The following CLVS1 variants were observed in gnomAD, a reference collection of about 807,000 sequenced individuals.
CLVS1 encodes the protein clavesin 1, also known as clavesin-1.
A neutral mutation model predicts 33.1 loss-of-function variants in CLVS1; 10 were observed. The ratio of observed to expected loss-of-function variants is 0.30; its 90% CI spans 0.19 to 0.51. CLVS1 has a LOEUF of 0.51. CLVS1 is among the 20% of genes least tolerant of loss of function. CLVS1 has a pLI of 0.97. For missense variants in CLVS1, 343 were observed against 433.4 expected, an observed-to-expected ratio of 0.79 and a Z score of 1.85; for synonymous variants, 163 against 166.1, an observed-to-expected ratio of 0.98 and a Z score of 0.14.
intron 3 of CLVS1, among the ~76,000 whole-genome samples, chr8:61,380,838 C>T (rs1813846813): frequency 6.6e-6 from 1 of 152,070 alleles, no homozygotes; most frequent in Non-Finnish European, 1.5e-5. Flanking sequence ...ATCACTGCAG[C>T]CCAGTGATTA....
chr8:61,128,128 G>C (rs938039058), intron 1 of CLVS1, among the ~76,000 whole-genome samples: 1 of 152,182 alleles, frequency 6.6e-6, no homozygotes, highest in Non-Finnish European at 1.5e-5. Flanking sequence ...CCAAATATCT[G>C]AGTTTTTGAG....
At chr8:61,196,961 T>C (rs776924489) in intron 2 of CLVS1, among the ~76,000 whole-genome samples, 3 of 152,218 alleles carry the variant, frequency 2.0e-5, no homozygotes, top group Middle Eastern at 3.2e-3. Flanking sequence ...CTCTTTTCCA[T>C]GTGCTGAAAT....
chr8:61,440,621 G>T (rs1012984082), intron 3 of CLVS1, among the ~76,000 whole-genome samples: 4 of 152,228 alleles, frequency 2.6e-5, no homozygotes, highest in Non-Finnish European at 5.9e-5. Context: ...GAAAGCTTCT[G>T]TGCTTGATCT....
chr8:61,314,834 ACTC>A (rs1483556383), intron 2 of CLVS1, among the ~76,000 whole-genome samples: 1 of 151,216 alleles, frequency 6.6e-6, no homozygotes, highest in East Asian at 1.9e-4. Context: ...TGCTTTGAAA[ACTC>A]CTCTCTTTCT....
chr8:61,149,054 A>G (rs534709632), intron 2 of CLVS1, among the ~76,000 whole-genome samples: 1 of 152,334 alleles, frequency 6.6e-6, no homozygotes, highest in East Asian at 1.9e-4. Context: ...ATAAACACTT[A>G]GCATAAGTTG....
At chr8:61,448,071 C>T (rs1816820564) in intron 3 of CLVS1, among the ~76,000 whole-genome samples, 1 of 151,952 alleles carries the variant, frequency 6.6e-6, no homozygotes, top group Non-Finnish European at 1.5e-5. Flanking sequence ...AAATATTTTA[C>T]ATCTTCTTCT....
chr8:61,179,847 A>T (rs1475798111), intron 2 of CLVS1, among the ~76,000 whole-genome samples: 1 of 152,148 alleles, frequency 6.6e-6, no homozygotes, highest in East Asian at 1.9e-4. Flanking sequence ...AGCAGGGTTA[A>T]GAGGAAATTT....
chr8:61,065,691 A>G (rs956962216), intron 1 of CLVS1, among the ~76,000 whole-genome samples: 1 of 152,230 alleles, frequency 6.6e-6, no homozygotes, highest in East Asian at 1.9e-4. Context: ...TGTAAGAAGC[A>G]ATAGGCAAGC....
At chr8:61,371,445 C>G (rs1813433775) in intron 2 of CLVS1, among the ~76,000 whole-genome samples, 3 of 152,110 alleles carry the variant, frequency 2.0e-5, no homozygotes, top group Non-Finnish European at 4.4e-5. Context: ...TGTGGGTTGT[C>G]TGTAATAGAT....
In CLVS1 at chr8:61,340,545, C is replaced by CAT. The variant is rs10557382; in HGVS notation, c.456-36046_456-36045dup. 8.6e-3 allele frequency among the ~76,000 whole-genome samples: 1,305 copies of CAT among 150,904 alleles called. 27 individuals carry two copies. The highest frequency in any genetic ancestry group is 0.026 in the African/African-American group (1,078 of 41,246). On this transcript the variant is annotated intron_variant, in intron 2 of 5. Coordinates refer to ENST00000325897, the MANE Select transcript of CLVS1 (RefSeq NM_173519.3). ...CTTCTTTTTAAGGCTGAATAGTATTCATATATATATATATACCACATTTAA... is the reference window on the plus strand; with the variant it reads ...CTTCTTTTTAAGGCTGAATAGTATTCATATATATATATATATACCACATTTAA...
chr8:61,272,794 GA>G, intron 2 of CLVS1, among the ~76,000 whole-genome samples: 1 of 152,268 alleles, frequency 6.6e-6, no homozygotes, highest in Admixed American at 6.5e-5. Flanking sequence ...ATCGGCTCCT[GA>G]GGCTTCTGCA....
intron 2 of CLVS1, among the ~76,000 whole-genome samples, chr8:61,349,737 GT>G (rs1812369535): frequency 6.6e-6 from 1 of 152,020 alleles, no homozygotes; most frequent in Non-Finnish European, 1.5e-5. Context: ...TACTCCCCTG[GT>G]TTGGAAACGC....
chr8:61,218,269 T>C (rs1039007199), intron 2 of CLVS1, among the ~76,000 whole-genome samples: 2 of 152,002 alleles, frequency 1.3e-5, no homozygotes, highest in African/African-American at 4.8e-5. Flanking sequence ...CAAAAACAGA[T>C]GAATCATTAA....
At chr8:61,120,695 G>A (rs866477538) in intron 1 of CLVS1, among the ~76,000 whole-genome samples, 12 of 141,972 alleles carry the variant, frequency 8.5e-5, no homozygotes, top group East Asian at 4.2e-4. Context: ...AGGGGTCAGG[G>A]GTCAGGGACC....
chr8:61,071,655 C>A (rs1804799145), intron 1 of CLVS1, among the ~76,000 whole-genome samples: 1 of 152,304 alleles, frequency 6.6e-6, no homozygotes, highest in Middle Eastern at 3.4e-3. Context: ...TGTGGGGGGA[C>A]ATTCTTTAGC....
intron 1 of CLVS1, among the ~76,000 whole-genome samples, chr8:61,103,990 A>G (rs1158128410): frequency 3.9e-5 from 6 of 152,234 alleles, no homozygotes; most frequent in African/African-American, 1.4e-4. Flanking sequence ...GTCATGATAC[A>G]ATAGATAACC....
chr8:61,437,858 G>A (rs1816393722), intron 3 of CLVS1, among the ~76,000 whole-genome samples: 1 of 152,224 alleles, frequency 6.6e-6, no homozygotes. Flanking sequence ...ACATGAAGAT[G>A]GTCAACAGTT....
intron 2 of CLVS1, among the ~76,000 whole-genome samples, chr8:61,340,513 G>C (rs1376767942): frequency 6.6e-6 from 1 of 152,056 alleles, no homozygotes; most frequent in Non-Finnish European, 1.5e-5. Flanking sequence ...GCATATGACA[G>C]GATTTCCTTC....
chr8:61,298,179 C>A (rs1369516551), intron 1 of CLVS1, among the ~76,000 whole-genome samples: 1 of 151,646 alleles, frequency 6.6e-6, no homozygotes, highest in Non-Finnish European at 1.5e-5. Context: ...TCTGAAAGGG[C>A]TTTTGGAGAA....
Sources: gnomAD v4.1 joint callset for allele counts (sites outside exome capture counted in the v4.1 genomes callset) on GRCh38, gnomAD v4.1.1 for gene constraint, MANE v1.5 for transcripts, NCBI Gene and HGNC (gene_info 2026-07-23, HGNC 2026-07-21) for gene names.